Variants in TECPR2 observed in about 807,000 individuals in gnomAD.
TECPR2 encodes the protein tectonin beta-propeller repeat-containing protein 2.
TECPR2 carries 65 observed loss-of-function variants against 138.1 expected under a neutral mutation model. The ratio of observed to expected loss-of-function variants is 0.47; its 90% CI spans 0.39 to 0.58. TECPR2 has a LOEUF of 0.58. Ranked by LOEUF, TECPR2 falls within the 20% of genes least tolerant of loss-of-function variation. The probability of loss-of-function intolerance (pLI) is 0.00; values close to 1 mark genes in which losing one functional copy is unlikely to be tolerated. For synonymous variants in TECPR2, 746 were observed against 749.8 expected, an observed-to-expected ratio of 0.99 and a Z score of 0.08; for missense variants, 1,553 against 1,824.5, an observed-to-expected ratio of 0.85 and a Z score of 2.71.
Position 102,501,516 on chromosome 14 carries a change from T to A in TECPR2, c.*3259T>A, listed in dbSNP as rs1891435141. On this transcript the variant is annotated 3_prime_UTR_variant, in exon 20 of 20. Coordinates refer to ENST00000359520, the MANE Select transcript of TECPR2 (RefSeq NM_014844.5). ...ATGATCACACCACTGCACTCCAGCC[T>A]CGGCGACAGAGCAAGACCTTGTTTC... 6.6e-6 allele frequency: 1 copy of A among 152,118 alleles called. No homozygotes were observed. Among genetic ancestry groups the A allele is most frequent in the East Asian group, 1.9e-4 (1 of 5,204 alleles). The allele number at this position is 152,118 out of a possible 1,614,324, so 9.4% of individuals were successfully genotyped here.
Position 102,414,767 on chromosome 14 carries a change from G to A in TECPR2, c.612G>A (p.Arg204=), listed in dbSNP as rs1888975851. Reference sequence around the variant, plus strand: ...TTTACACTGAAGAAAAGTCTGTAAGGCAAATTGGAACACAACCAAGGAAAA... The same window carrying A: ...TTTACACTGAAGAAAAGTCTGTAAGACAAATTGGAACACAACCAAGGAAAA... ...LLFYTEEKSV[R]QIGTQPRKST... Residue 204 remains arginine (R), a synonymous_variant, in exon 5 of 20, where the codon AGG becomes AGA. Transcript: ENST00000359520. 6.2e-7 allele frequency: 1 copy of A among 1,614,178 alleles called. No individual in the cohort carries two copies. Among genetic ancestry groups the A allele is most frequent in the Non-Finnish European group, 8.5e-7 (1 of 1,180,022 alleles).
intron 10 of TECPR2, chr14:102,438,474 A>G: frequency 2.7e-6 from 1 of 376,646 alleles, no homozygotes; most frequent in South Asian, 5.7e-5. Context: ...GTAAGCTCTG[A>G]TCGTATTTTT....
At chr14:102,418,986 G>T (rs1450787395) in intron 5 of TECPR2, among the ~76,000 whole-genome samples, 1 of 152,084 alleles carries the variant, frequency 6.6e-6, no homozygotes, top group South Asian at 2.1e-4. Flanking sequence ...CTGTGGCCCC[G>T]CCATGTCCTC....
Position 102,364,885 on chromosome 14 carries a change from G to A in TECPR2, c.-73+1769G>A, listed in dbSNP as rs189184518. Among the ~76,000 whole-genome samples, 14 of 152,306 alleles carry A rather than the reference G, an allele frequency of 9.2e-5. No homozygotes were observed. The East Asian group carries it at 2.7e-3, about 29-fold the overall frequency. On this transcript the variant is annotated intron_variant, in intron 1 of 19. Transcript: ENST00000359520. Reference sequence around the variant, plus strand: ...GATCAGGAAAGGGTTATAATGAAAAGCTTTGGTGTCAAGCACGAAGAGATT... The same window carrying A: ...GATCAGGAAAGGGTTATAATGAAAAACTTTGGTGTCAAGCACGAAGAGATT...
intron 2 of TECPR2, among the ~76,000 whole-genome samples, chr14:102,390,816 A>ATG (rs1888149934): frequency 6.6e-6 from 1 of 151,936 alleles, no homozygotes; most frequent in African/African-American, 2.4e-5. Context: ...ATATATATAT[A>ATG]TATATATAGT....
chr14:102,438,047 C>T lies in TECPR2; in HGVS notation c.2420C>T (p.Ser807Leu), dbSNP rs759739144. 15 of 1,613,876 alleles carry T rather than the reference C, an allele frequency of 9.3e-6. No individual in the cohort carries two copies. Among genetic ancestry groups the T allele is most frequent in the Admixed American group, 3.3e-5 (2 of 59,974 alleles). The change falls in exon 10 of 20, where the codon TCG becomes TTG. Residue 807 changes from serine (S) to leucine (L), a missense_variant. Coordinates refer to ENST00000359520, the MANE Select transcript of TECPR2 (RefSeq NM_014844.5). ...DQFAESWMGY[S>L]GPGYGILSLV... ...TTTGCAGAAAGCTGGATGGGCTACT[C>T]GGGTCCCGGCTATGGCATCCTCAGC...
At position 102,443,650 on chromosome 14, in the gene TECPR2, T is replaced by G; in HGVS notation, c.2756T>G (p.Leu919Arg). The change falls in exon 12 of 20, where the codon CTG becomes CGG. Residue 919 changes from leucine (L) to arginine (R), a missense_variant. Transcript: ENST00000359520. The surrounding 1 kb of genome is among the most constrained non-coding windows in gnomAD (Gnocchi z 4.9). ...TSGDLYLQTG[L>R]SVDRPCARAV... ...CTTCTTCCCATCTTCCTGGCAGGTC[T>G]GAGCGTGGATCGCCCTTGTGCCAGA... 6.3e-7 allele frequency: 1 copy of G among 1,579,186 alleles called. No homozygotes were observed. The highest frequency in any genetic ancestry group is 8.7e-7 in the Non-Finnish European group (1 of 1,154,990).
chr14:102,398,095 A>C (rs907635887), intron 2 of TECPR2, among the ~76,000 whole-genome samples: 1 of 143,750 alleles, frequency 7.0e-6, no homozygotes, highest in Non-Finnish European at 1.6e-5. Context: ...AAAAAAAGAA[A>C]AAAGAAAGAA....
At chr14:102,451,605 G>A (rs753069135) in intron 15 of TECPR2, among the ~76,000 whole-genome samples, 3 of 152,066 alleles carry the variant, frequency 2.0e-5, no homozygotes, top group Non-Finnish European at 2.9e-5. Flanking sequence ...GCACTTCACC[G>A]GGGAGCGCCT....
chr14:102,434,969 T>C lies in TECPR2; in HGVS notation c.2152T>C (p.Leu718=). 6.2e-7 allele frequency: 1 copy of C among 1,614,124 alleles called. No homozygotes were observed. The highest frequency in any genetic ancestry group is 1.1e-5 in the South Asian group (1 of 91,092). ...QKEIPISERV[L]GSVGGQLTPV... is the part of the protein sequence containing the mutation. ...AGAAATACCCATTTCTGAACGTGTC[T>C]TGGGGAGTGTGGGAGGACAGCTGAC... The change falls in exon 9 of 20, where the codon TTG becomes CTG. Residue 718 remains leucine (L), a synonymous_variant. Coordinates refer to ENST00000359520, the MANE Select transcript of TECPR2 (RefSeq NM_014844.5).
intron 2 of TECPR2, among the ~76,000 whole-genome samples, chr14:102,406,068 G>T (rs1888650163): frequency 1.3e-5 from 2 of 150,568 alleles, no homozygotes; most frequent in African/African-American, 4.9e-5. Flanking sequence ...GTTGCCAGGG[G>T]CTGGGGGGAG....
chr14:102,399,344 A>C (rs1457541890), intron 2 of TECPR2, among the ~76,000 whole-genome samples: 1 of 152,202 alleles, frequency 6.6e-6, no homozygotes, highest in African/African-American at 2.4e-5. Flanking sequence ...AAAAGAAAGA[A>C]GACCTGTCAA....
rs114252871 is a variant in TECPR2 at position 102,450,705 on chromosome 14, G to C, written c.3406+56G>C. 2.7e-4 allele frequency: 430 copies of C among 1,564,180 alleles called. 1 individual carries two copies. In the African/African-American group the frequency reaches 4.6e-3, roughly 17 times the overall value. On this transcript the variant is annotated intron_variant, in intron 15 of 19. Transcript: ENST00000359520. ...TAGAGCACAGCTTGGCCATTGGAAA[G>C]GTTCAAACCACAGTCGGACTGTGGC...
chr14:102,452,301 C>T (rs555723137), intron 15 of TECPR2, 93 bp from the exon 16 acceptor site: 9 of 1,285,406 alleles, frequency 7.0e-6, no homozygotes, highest in South Asian at 2.8e-5. Flanking sequence ...AGGTGGCTAG[C>T]GTCTGCTGAA....
At chr14:102,483,740 G>A (rs539222676) in intron 17 of TECPR2, among the ~76,000 whole-genome samples, 13 of 148,088 alleles carry the variant, frequency 8.8e-5, no homozygotes, top group African/African-American at 2.5e-4. Flanking sequence ...ACTGCACCTG[G>A]CACCCCTCCT....
intron 5 of TECPR2, among the ~76,000 whole-genome samples, chr14:102,423,098 T>C (rs992381955): frequency 9.2e-5 from 14 of 152,178 alleles, no homozygotes; most frequent in African/African-American, 3.1e-4. Flanking sequence ...ACTAAGCTTG[T>C]CCAACCCACG....
At chr14:102,409,569 G>T (rs1248633962) in intron 4 of TECPR2, among the ~76,000 whole-genome samples, 1 of 152,162 alleles carries the variant, frequency 6.6e-6, no homozygotes, top group Admixed American at 6.6e-5. Context: ...AAAGTGCTGG[G>T]ATTACAGGCG....
At chr14:102,366,794 C>G (rs938795943) in intron 1 of TECPR2, among the ~76,000 whole-genome samples, 3 of 152,082 alleles carry the variant, frequency 2.0e-5, no homozygotes, top group African/African-American at 7.2e-5. Context: ...TGCTTACATT[C>G]TTGTAGGAGA....
Position 102,443,928 on chromosome 14 carries a change from A to T in TECPR2, c.2933+101A>T. 4 of 1,148,846 alleles carry T rather than the reference A, an allele frequency of 3.5e-6. No individual in the cohort carries two copies. Among genetic ancestry groups the T allele is most frequent in the South Asian group, 1.9e-5 (1 of 52,302 alleles). The allele number at this position is 1,148,846 out of a possible 1,614,324, so 71.2% of individuals were successfully genotyped here. The stretch of plus-strand genomic sequence containing the variant: ...CACCATGAGGCCGTTCCTGGGAGGC[A>T]GCACCTGCAGCCTCCATGGCTATAG... On this transcript the variant is annotated intron_variant, in intron 12 of 19. Transcript: ENST00000359520. The surrounding 1 kb of genome is among the most constrained non-coding windows in gnomAD (Gnocchi z 4.9).
Sources: allele counts gnomAD v4.1 joint callset (sites outside exome capture counted in the v4.1 genomes callset), GRCh38; gene constraint gnomAD v4.1.1; non-coding constraint Gnocchi (gnomAD v3.1); transcripts MANE v1.5; gene names NCBI Gene and HGNC (gene_info 2026-07-23, HGNC 2026-07-21).